MCC: variants seen among roughly 807,000 people sequenced by gnomAD.
MCC encodes MCC regulator of Wnt signaling pathway.
A neutral mutation model predicts 116.2 loss-of-function variants in MCC; 90 were observed. The ratio of observed to expected loss-of-function variants is 0.77; its 90% confidence interval spans 0.65 to 0.92. The LOEUF (loss-of-function observed/expected upper bound fraction) is 0.92. Ranked by LOEUF, MCC falls within the 40% of genes least tolerant of loss-of-function variation. MCC has a pLI of 0.00. For synonymous variants in MCC, 578 were observed against 510.5 expected (o/e 1.13, Z -1.78); for missense variants, 1,516 against 1,312.2 (o/e 1.16, Z -2.40).
At chr5:113,423,664 T>C (rs751298770) in intron 1 of MCC, among the ~76,000 whole-genome samples, 4 of 152,020 alleles carry the variant, frequency 2.6e-5, no homozygotes, top group East Asian at 3.9e-4. Context: ...GGCTCAGAAA[T>C]AGGAGAGCCA....
chr5:113,057,462 C>G (rs1473678045), intron 14 of MCC, among the ~76,000 whole-genome samples: 2 of 151,422 alleles, frequency 1.3e-5, no homozygotes, highest in African/African-American at 4.9e-5. Flanking sequence ...ATAAAAATGA[C>G]TACTGATCAT....
intron 1 of MCC, among the ~76,000 whole-genome samples, chr5:113,392,875 A>G (rs1296059022): frequency 6.6e-6 from 1 of 152,194 alleles, no homozygotes; most frequent in African/African-American, 2.4e-5. Flanking sequence ...ACGTATATAT[A>G]CAAATTGATG....
rs565223821 is a variant in MCC at position 113,185,028 on chromosome 5, A to G, written c.628-33606T>C. ...AGAGAGAAAAGGCTGCAAAGGCACC[A>G]GGGAAGCTGGGGAAATCCTGAAGGA... On this transcript the variant is annotated intron_variant, in intron 3 of 18. Transcript: ENST00000408903. Among the ~76,000 whole-genome samples the G allele has an allele frequency of 6.9e-4, 105 of 152,346 alleles. 1 individual carries two copies. The highest frequency in any genetic ancestry group is 2.3e-3 in the South Asian group (11 of 4,826).
At chr5:113,250,694 T>C (rs774589378) in intron 3 of MCC, among the ~76,000 whole-genome samples, 55 of 152,176 alleles carry the variant, frequency 3.6e-4, no homozygotes, top group Non-Finnish European at 6.6e-4. Flanking sequence ...GGAATTCAGA[T>C]CAAATATTCA....
intron 3 of MCC, among the ~76,000 whole-genome samples, chr5:113,182,069 T>C (rs1171300597): frequency 6.6e-6 from 1 of 152,212 alleles, no homozygotes; most frequent in African/African-American, 2.4e-5. Flanking sequence ...GGAAGCATCC[T>C]GTGTGTAAGG....
intron 12 of MCC, among the ~76,000 whole-genome samples, chr5:113,069,020 T>G (rs4283779): frequency 6.6e-6 from 1 of 152,040 alleles, no homozygotes; most frequent in Non-Finnish European, 1.5e-5. Context: ...CTATTCAATA[T>G]AGTATCTACT....
At chr5:113,097,774 C>T (rs922987981) in intron 8 of MCC, among the ~76,000 whole-genome samples, 4 of 152,190 alleles carry the variant, frequency 2.6e-5, no homozygotes, top group Non-Finnish European at 4.4e-5. Flanking sequence ...CCTCCTGCCT[C>T]GGCCTCCCAG....
intron 1 of MCC, among the ~76,000 whole-genome samples, chr5:113,457,957 G>A (rs1771623241): frequency 6.6e-6 from 1 of 151,900 alleles, no homozygotes; most frequent in Non-Finnish European, 1.5e-5. Context: ...GAACCTTTGT[G>A]TCCACACTCT....
intron 1 of MCC, chr5:113,433,758 G>A (rs1770744170): frequency 6.2e-7 from 1 of 1,613,486 alleles, no homozygotes; most frequent in Admixed American, 1.7e-5. Flanking sequence ...CGTCTCTGGA[G>A]GCTGTTGGGG....
chr5:113,296,402 G>A (rs371477981), intron 3 of MCC, among the ~76,000 whole-genome samples: 11 of 152,200 alleles, frequency 7.2e-5, no homozygotes, highest in African/African-American at 2.2e-4. Context: ...CAGTTCAGAG[G>A]AGGGAAATAC....
At position 113,434,971 on chromosome 5, in the gene MCC, G is replaced by C. The variant is rs1561571054; in HGVS notation, c.171-49759C>G. On this transcript the variant is annotated intron_variant, in intron 1 of 18. Coordinates refer to ENST00000408903, the MANE Select transcript of MCC (RefSeq NM_001085377.2). The surrounding 1 kb of genome is among the most constrained non-coding windows in gnomAD (Gnocchi z 4.2). ...CCAGGCCTGCTGTTCCTGCCTCCTAGAGGCCAAGACTCTGGAGTGGAACAT... is the reference window on the plus strand; with the variant it reads ...CCAGGCCTGCTGTTCCTGCCTCCTACAGGCCAAGACTCTGGAGTGGAACAT... 1.7e-6 allele frequency: 2 copies of C among 1,143,746 alleles called. No homozygotes were observed. The highest frequency in any genetic ancestry group is 2.5e-6 in the Non-Finnish European group (2 of 815,388). 70.8% of individuals were successfully genotyped at this position (1,143,746 alleles called of 1,614,324 possible).
chr5:113,184,497 T>TTA (rs1491319610), intron 3 of MCC, among the ~76,000 whole-genome samples: 1 of 117,262 alleles, frequency 8.5e-6, no homozygotes. Context: ...TTTTTTTTTT[T>TTA]GGAGACAGAG....
chr5:113,289,381 A>G (rs1396475894), intron 3 of MCC, among the ~76,000 whole-genome samples: 2 of 151,978 alleles, frequency 1.3e-5, no homozygotes, highest in African/African-American at 4.8e-5. Context: ...AGTTTTGGAC[A>G]AGGCTCTGTC....
chr5:113,376,693 G>A (rs1768992924), intron 2 of MCC, among the ~76,000 whole-genome samples: 1 of 151,624 alleles, frequency 6.6e-6, no homozygotes, highest in African/African-American at 2.4e-5. Flanking sequence ...ACCATGGAAT[G>A]GGCATCTGTT....
chr5:113,266,724 T>A (rs1765431584), intron 3 of MCC, among the ~76,000 whole-genome samples: 1 of 152,022 alleles, frequency 6.6e-6, no homozygotes, highest in South Asian at 2.1e-4. Flanking sequence ...ACAAAGCTTT[T>A]TTGCACACCT....
In MCC at chr5:113,434,539, A is replaced by C; in HGVS notation, c.171-49327T>G. 1 of 1,612,248 alleles carries C rather than the reference A, an allele frequency of 6.2e-7. No homozygotes were observed. The highest frequency in any genetic ancestry group is 2.2e-5 in the East Asian group (1 of 44,786). On this transcript the variant is annotated intron_variant, in intron 1 of 18. Coordinates refer to ENST00000408903, the MANE Select transcript of MCC (RefSeq NM_001085377.2). This position sits in a 1 kb window ranked among gnomAD's most constrained non-coding sequence, Gnocchi z 4.2. ...TGCAGGGCTCCCCGGGTTTTGATTA[A>C]CTCGAGGAGGTCGCCCTGGACCGCG...
At chr5:113,158,481 A>G (rs577412392) in intron 3 of MCC, among the ~76,000 whole-genome samples, 1 of 152,344 alleles carries the variant, frequency 6.6e-6, no homozygotes, top group South Asian at 2.1e-4. Flanking sequence ...TCAAATCCCA[A>G]TGCCAAAATC....
chr5:113,179,234 A>C (rs1009752437), intron 3 of MCC, among the ~76,000 whole-genome samples: 1 of 152,186 alleles, frequency 6.6e-6, no homozygotes, highest in African/African-American at 2.4e-5. Context: ...AGTACCACAG[A>C]ACACCCTCCC....
intron 1 of MCC, among the ~76,000 whole-genome samples, chr5:113,416,943 T>C (rs376113216): frequency 3.3e-5 from 5 of 151,936 alleles, no homozygotes; most frequent in African/African-American, 7.3e-5. Context: ...ATATTGGTCA[T>C]TGCTGTTTCT....
Sources: gnomAD v4.1 joint callset for allele counts (sites outside exome capture counted in the v4.1 genomes callset) on GRCh38, gnomAD v4.1.1 for gene constraint, Gnocchi (gnomAD v3.1) non-coding constraint, MANE v1.5 for transcripts, NCBI Gene and HGNC (gene_info 2026-07-23, HGNC 2026-07-21) for gene names.